Variants in SLC5A8 observed in about 807,000 individuals in gnomAD.
SLC5A8 encodes the protein solute carrier family 5 member 8, also known as sodium-coupled monocarboxylate transporter 1.
In SLC5A8, 55 loss-of-function variants were observed where a neutral mutation model predicts 71.9. The observed-to-expected ratio is 0.77, with a 90% confidence interval of 0.62 to 0.96. The LOEUF (loss-of-function observed/expected upper bound fraction) is 0.96, where lower values mean the gene tolerates loss of function less well. Among genes scored for constraint, SLC5A8 ranks in the 40% least tolerant of loss-of-function variants. The pLI, the probability that SLC5A8 is intolerant of heterozygous loss-of-function variation, is 0.00. For synonymous variants in SLC5A8, 307 were observed against 276.1 expected (o/e 1.11, Z -1.11); for missense variants, 701 against 745.3 (o/e 0.94, Z 0.69).
chr12:101,184,953 C>G (rs1430511505), intron 7 of SLC5A8, among the ~76,000 whole-genome samples: 1 of 152,220 alleles, frequency 6.6e-6, no homozygotes, highest in South Asian at 2.1e-4. Context: ...GTTTCCGAAT[C>G]AAAAGAGTCC....
At chr12:101,192,870 A>G (rs1040453678) in intron 5 of SLC5A8, among the ~76,000 whole-genome samples, 2 of 152,140 alleles carry the variant, frequency 1.3e-5, no homozygotes, top group South Asian at 2.1e-4. Context: ...TGTCAAAATG[A>G]AATCACTGTC....
At chr12:101,159,416 A>G (rs74370923) in intron 13 of SLC5A8, among the ~76,000 whole-genome samples, 229 of 152,346 alleles carry the variant, frequency 1.5e-3, no homozygotes, top group African/African-American at 5.2e-3. Flanking sequence ...CATTTTCCTG[A>G]TGAAAACATA....
chr12:101,169,191 G>A (rs2051803213), intron 10 of SLC5A8, among the ~76,000 whole-genome samples: 1 of 152,186 alleles, frequency 6.6e-6, no homozygotes, highest in South Asian at 2.1e-4. Flanking sequence ...AGTGATGACT[G>A]TGTGATCTGT....
chr12:101,174,500 A>G (rs958601710), intron 10 of SLC5A8, among the ~76,000 whole-genome samples: 1 of 152,182 alleles, frequency 6.6e-6, no homozygotes, highest in African/African-American at 2.4e-5. Context: ...TATTTAGTCC[A>G]GGTTAGTTAC....
rs538507752 is a variant in SLC5A8, at chr12:101,206,549, C to T, written c.352-1984G>A. ...AGAACCAAGAAGTCTATTATGATCTCAGCCATCAATTACTAGGCTGCTGAA... is the reference window on the plus strand; with the variant it reads ...AGAACCAAGAAGTCTATTATGATCTTAGCCATCAATTACTAGGCTGCTGAA... On this transcript the variant is annotated intron_variant, in intron 1 of 14. Coordinates refer to ENST00000536262, the MANE Select transcript of SLC5A8 (RefSeq NM_145913.5). Among the ~76,000 whole-genome samples, 3 of 152,302 alleles carry T rather than the reference C, an allele frequency of 2.0e-5. No homozygotes were observed. The East Asian group carries it at 5.8e-4, about 29-fold the overall frequency.
chr12:101,167,634 G>C (rs1047175153), intron 11 of SLC5A8, among the ~76,000 whole-genome samples: 8 of 152,338 alleles, frequency 5.3e-5, no homozygotes, highest in African/African-American at 1.9e-4. Flanking sequence ...GCTAAATCAT[G>C]TTGTGGGAGC....
At chr12:101,184,899 G>A (rs1868556907) in intron 7 of SLC5A8, among the ~76,000 whole-genome samples, 1 of 152,218 alleles carries the variant, frequency 6.6e-6, no homozygotes, top group Non-Finnish European at 1.5e-5. Context: ...AATCAAGTGT[G>A]TGACTTCAGG....
Position 101,187,394 on chromosome 12 carries a change from G to T in SLC5A8, c.955C>A (p.Pro319Thr). 1 of 1,613,570 alleles carries T rather than the reference G, an allele frequency of 6.2e-7. No homozygotes were observed. The highest frequency in any genetic ancestry group is 8.5e-7 in the Non-Finnish European group (1 of 1,179,816). ...DPWTAKKVSA[P>T]DQLMPYLVLD... is the part of the protein sequence containing the mutation. ...AAGACATGGTACTGAACCTGGTCTG[G>T]TGCAGACACTTTCTTGGCTGTCCAA... The change falls in exon 7 of 15, where the codon CCA (proline) becomes ACA (threonine). Residue 319 changes from proline to threonine, a missense_variant. Coordinates refer to ENST00000536262, the MANE Select transcript of SLC5A8 (RefSeq NM_145913.5).
chr12:101,161,649 T>C (rs2051724356), intron 13 of SLC5A8, among the ~76,000 whole-genome samples: 1 of 152,192 alleles, frequency 6.6e-6, no homozygotes, highest in Non-Finnish European at 1.5e-5. Context: ...TTTTCAAGCA[T>C]CTTATTTTTG....
chr12:101,156,767 G>A lies in SLC5A8; in HGVS notation c.*512C>T, dbSNP rs1231449690. ...AGTTTGCAGGTTAGTATATGCCCTGGACTGATAGGGGGATAAAAAGCAAAG... is the reference window on the plus strand; with the variant it reads ...AGTTTGCAGGTTAGTATATGCCCTGAACTGATAGGGGGATAAAAAGCAAAG... On this transcript the variant is annotated 3_prime_UTR_variant, in exon 15 of 15. Transcript: ENST00000536262. 5 of 153,622 alleles carry A rather than the reference G, an allele frequency of 3.3e-5. No individual in the cohort carries two copies. Among genetic ancestry groups the A allele is most frequent in the Admixed American group, 3.2e-4 (5 of 15,528 alleles). The allele number at this position is 153,622 out of a possible 1,614,324, so 9.5% of individuals were successfully genotyped here.
intron 10 of SLC5A8, among the ~76,000 whole-genome samples, chr12:101,170,832 CAA>C (rs2051822543): frequency 6.6e-6 from 1 of 152,148 alleles, no homozygotes; most frequent in Admixed American, 6.5e-5. Flanking sequence ...CCAGCAGTGA[CAA>C]AGCCACCTCC....
intron 9 of SLC5A8, 84 bp downstream of exon 9, chr12:101,182,719 T>C (rs1349700839): frequency 1.1e-6 from 1 of 889,582 alleles, no homozygotes; most frequent in Non-Finnish European, 1.8e-6. Context: ...GTCCTTCCTC[T>C]GTAGCTTCAG....
chr12:101,157,571 A>G (rs2051677292), intron 14 of SLC5A8, among the ~76,000 whole-genome samples, 170 bp from the exon 15 acceptor site: 1 of 152,184 alleles, frequency 6.6e-6, no homozygotes, highest in African/African-American at 2.4e-5. Context: ...CGAGATATTC[A>G]ACAGATACAG....
chr12:101,166,434 G>A (rs2051770517), intron 12 of SLC5A8, 60 bp downstream of exon 12: 1 of 1,411,360 alleles, frequency 7.1e-7, no homozygotes, highest in Non-Finnish European at 9.6e-7. Context: ...AAGCAAGTGG[G>A]GTTCTCTACT....
rs1253492993 is a variant in SLC5A8, at chr12:101,182,868, T to C, written c.1100A>G (p.Asp367Gly). 6.3e-7 allele frequency: 1 copy of C among 1,594,094 alleles called. No individual in the cohort carries two copies. The highest frequency in any genetic ancestry group is 8.5e-7 in the Non-Finnish European group (1 of 1,172,936). Residue 367 changes from aspartate to glycine, a missense_variant, in exon 9 of 15, where the codon GAT (aspartate) becomes GGT (glycine). Physicochemically the swap from Asp to Gly is moderately conservative, Grantham distance 94. Coordinates refer to ENST00000536262, the MANE Select transcript of SLC5A8 (RefSeq NM_145913.5). ...CGATCTGAAGTAAGGTTTGATTAGA[T>C]CTTCCACAGTTACTGCTGCTAAGGC... ...INALAAVTVEDLIKPYFRSLS... is the reference protein window; with the variant it reads ...INALAAVTVEGLIKPYFRSLS...
chr12:101,207,507 C>T (rs2137174344), intron 1 of SLC5A8, among the ~76,000 whole-genome samples: 1 of 152,326 alleles, frequency 6.6e-6, no homozygotes, highest in South Asian at 2.1e-4. Flanking sequence ...GGAACCCCTG[C>T]TAACTTAGCC....
Position 101,209,701 on chromosome 12 carries a change from G to T in SLC5A8, c.148C>A (p.Arg50Ser). The change falls in exon 1 of 15, where the codon CGC becomes AGC. Residue 50 changes from arginine (R) to serine (S), a missense_variant. Arg to Ser is a moderately radical substitution (Grantham distance 110). Transcript: ENST00000536262. ...QTSKDFLMGG[R>S]RMTAVPVALS... ...GCCACGGGCACTGCGGTCATTCTGC[G>T]GCCGCCCATCAGGAAGTCCTTGGAG... The T allele has an allele frequency of 1.2e-6, 2 of 1,613,368 alleles. No homozygotes were observed. The highest frequency in any genetic ancestry group is 1.1e-5 in the South Asian group (1 of 91,084).
At position 101,209,549 on chromosome 12, in the gene SLC5A8, C is replaced by T; in HGVS notation, c.300G>A (p.Ala100=). 6.2e-7 allele frequency: 1 copy of T among 1,613,882 alleles called. No individual in the cohort carries two copies. The highest frequency in any genetic ancestry group is 8.5e-7 in the Non-Finnish European group (1 of 1,179,926). ...FTYFFVVVIS[A]EVFLPVFYKL... ...TGTAGAACACCGGGAGGAAGACCTC[C>T]GCGCTGATGACCACCACAAAGAAGT... The change falls in exon 1 of 15, where the codon GCG becomes GCA. Residue 100 remains alanine, a synonymous_variant. Coordinates refer to ENST00000536262, the MANE Select transcript of SLC5A8 (RefSeq NM_145913.5).
At chr12:101,183,076 C>T (rs572432529) in intron 8 of SLC5A8, among the ~76,000 whole-genome samples, 161 bp from the exon 9 acceptor site, 110 of 110,148 alleles carry the variant, frequency 1.0e-3, no homozygotes, top group African/African-American at 3.7e-3. Flanking sequence ...GACGGAGTCT[C>T]GCTCTGTCGC....
Sources: allele counts gnomAD v4.1 joint callset (sites outside exome capture counted in the v4.1 genomes callset), GRCh38; gene constraint gnomAD v4.1.1; transcripts MANE v1.5; gene names NCBI Gene and HGNC (gene_info 2026-07-23, HGNC 2026-07-21).